GPR108: variants seen among roughly 807,000 people sequenced by gnomAD.
GPR108 encodes G protein-coupled receptor 108.
Under a neutral mutation model 74.3 loss-of-function variants are expected in GPR108, and 60 were observed. The observed-to-expected ratio is 0.81, with a 90% CI of 0.66 to 1.00. GPR108 has a LOEUF of 1.00. Among genes scored for constraint, GPR108 ranks in the 50% least tolerant of loss-of-function variants. The pLI is 0.00. For missense variants in GPR108, 667 were observed against 703.3 expected (o/e 0.95, Z 0.58); for synonymous variants, 311 against 292.4 (o/e 1.06, Z -0.65).
Position 6,732,469 on chromosome 19 carries a change from C to T in GPR108, c.1007+7G>A, listed in dbSNP as rs764240813. The T allele has an allele frequency of 1.9e-6, 3 of 1,613,580 alleles. No individual in the cohort carries two copies. The highest frequency in any genetic ancestry group is 4.5e-5 in the East Asian group (2 of 44,872). On this transcript the variant is annotated splice_region_variant and intron_variant, in intron 11 of 17. Transcript: ENST00000264080. ...CCCAGCTGCCCAGCAGAGTGGGGGA[C>T]ACTCACAGGTGTGCGATGTAGTACA...
At chr19:6,734,376 C>G in intron 4 of GPR108, 69 bp from the exon 5 acceptor site, 1 of 1,522,842 alleles carries the variant, frequency 6.6e-7, no homozygotes. Context: ...GCAAAGGACT[C>G]AGTGGCCCCT....
At position 6,737,571 on chromosome 19, in the gene GPR108, T is replaced by G. The variant is rs537539888; in HGVS notation, c.6A>C (p.Ala2=). Residue 2 remains alanine (A), a synonymous_variant, in exon 1 of 18, where the codon GCA becomes GCC. Transcript: ENST00000264080. ...GGCCGAGCCCCCTCCTCTCGCTCAC[T>G]GCCATCTCTGGAGCCACCTCCTCCC... M[A]VSERRGLGRG... 3.7e-5 allele frequency: 56 copies of G among 1,495,186 alleles called. No individual in the cohort carries two copies. Among genetic ancestry groups the G allele is most frequent in the Non-Finnish European group, 4.7e-5 (53 of 1,128,066 alleles). The allele number at this position is 1,495,186 out of a possible 1,614,324, so 92.6% of individuals were successfully genotyped here.
chr19:6,734,480 G>C (rs1353961869), intron 4 of GPR108, among the ~76,000 whole-genome samples, 173 bp from the exon 5 acceptor site: 3 of 152,216 alleles, frequency 2.0e-5, no homozygotes, highest in Non-Finnish European at 4.4e-5. Flanking sequence ...CAAGGAGGCT[G>C]CCGCCTTCCT....
rs753588178 is a variant in GPR108, at chr19:6,733,892, C to G, written c.571G>C (p.Asp191His). The stretch of plus-strand genomic sequence containing the variant: ...AGGTGGCTCAGGCCCAACACCAGGT[C>G]CTTGTCCTTCCCACTAGGACCCTGA... ...VIQGPSGKDK[D>H]LVLGLSHLNN... Residue 191 changes from aspartate (D) to histidine (H), a missense_variant, in exon 7 of 18, where the codon GAC becomes CAC. Asp to His is a moderately conservative substitution (Grantham distance 81). Coordinates refer to ENST00000264080, the MANE Select transcript of GPR108 (RefSeq NM_001080452.2). 1 of 1,614,160 alleles carries G rather than the reference C, an allele frequency of 6.2e-7. No individual in the cohort carries two copies. Among genetic ancestry groups the G allele is most frequent in the Admixed American group, 1.7e-5 (1 of 60,034 alleles).
In GPR108 at chr19:6,732,505, G is replaced by T. The variant is rs138508139; in HGVS notation, c.978C>A (p.Gly326=). The T allele has an allele frequency of 1.2e-5, 19 of 1,613,774 alleles. No homozygotes were observed. Among genetic ancestry groups the T allele is most frequent in the Middle Eastern group, 1.6e-4 (1 of 6,084 alleles). The change falls in exon 11 of 18, where the codon GGC becomes GGA. Residue 326 remains glycine, a synonymous_variant. Transcript: ENST00000264080. ...GTGCGATGTAGTACATGACGGCAAG[G>T]CCTTCGATGGGGTGGCCCTGGCTGT... is the stretch of plus-strand genomic sequence containing the variant. ...FINSQGHPIE[G]LAVMYYIAHL... is the part of the protein sequence containing the mutation.
In GPR108 at chr19:6,737,530, T is replaced by G. The variant is rs887953621; in HGVS notation, c.47A>C (p.Glu16Ala). The G allele has an allele frequency of 6.4e-7, 1 of 1,557,738 alleles. No homozygotes were observed. Among genetic ancestry groups the G allele is most frequent in the African/African-American group, 1.4e-5 (1 of 71,624 alleles). ...RRGLGRGSPA[E>A]WGQRLLLVLL... ...CACCAGAAGTAGCCGCTGCCCCCACTCCGCGGGGCTCCCGCGGCCGAGCCC... is the reference window on the plus strand; with the variant it reads ...CACCAGAAGTAGCCGCTGCCCCCACGCCGCGGGGCTCCCGCGGCCGAGCCC... Residue 16 changes from glutamate (E) to alanine (A), a missense_variant, in exon 1 of 18, where the codon GAG becomes GCG. Physicochemically the swap from Glu to Ala is moderately radical, Grantham distance 107 (BLOSUM62 -1). Coordinates refer to ENST00000264080, the MANE Select transcript of GPR108 (RefSeq NM_001080452.2).
rs1262721013 is a variant in GPR108 at position 6,734,847 on chromosome 19, A to ACATCAT, written c.375-541_375-540insATGATG. On this transcript the variant is annotated intron_variant, in intron 4 of 17. Coordinates refer to ENST00000264080, the MANE Select transcript of GPR108 (RefSeq NM_001080452.2). ...GGCATGAGCCACCATGGCCAGCCCT[A>ACATCAT]CATTATTATTATTATTATTATTATT... is the stretch of plus-strand genomic sequence containing the variant. Among the ~76,000 whole-genome samples, 22 of 136,364 alleles carry ACATCAT rather than the reference A, an allele frequency of 1.6e-4. 2 individuals carry two copies. Among genetic ancestry groups the ACATCAT allele is most frequent in the East Asian group, 1.2e-3 (6 of 4,862 alleles). 89.5% of individuals were successfully genotyped at this position (136,364 alleles called of 152,430 possible).
At chr19:6,736,065 A>G (rs1968622156) in intron 2 of GPR108, 107 bp from the exon 3 acceptor site, 1 of 956,582 alleles carries the variant, frequency 1.0e-6, no homozygotes, top group Non-Finnish European at 1.6e-6. Context: ...TGAACACCTA[A>G]CATGTGCTAG....
chr19:6,730,327 C>T lies in GPR108; in HGVS notation c.1617G>A (p.Gly539=), dbSNP rs773705685. 2 of 1,613,862 alleles carry T rather than the reference C, an allele frequency of 1.2e-6. No individual in the cohort carries two copies. The highest frequency in any genetic ancestry group is 2.2e-5 in the South Asian group (2 of 91,066). ...GTGGAGGTGATCATAACAGTTCCCG[C>T]CCGCTGGCTGTTTTGTTGACTTTGG... ...GLSKVNKTAS[G]RELL The change falls in exon 18 of 18, where the codon GGG becomes GGA. Residue 539 remains glycine, a synonymous_variant. Transcript: ENST00000264080.
chr19:6,732,999 G>T lies in GPR108; in HGVS notation c.921C>A (p.Leu307=). ...AALAFTKSIS[L]LFHSINYYFI... is the part of the protein sequence containing the mutation. ...CCAAGGCTCTCACGCTGTGGAAGAG[G>T]AGAGAGATGCTCTTGGTGAAGGCCA... The change falls in exon 10 of 18, where the codon CTC becomes CTA. Residue 307 remains leucine (L), a synonymous_variant. Transcript: ENST00000264080. The T allele has an allele frequency of 6.2e-7, 1 of 1,602,742 alleles. No homozygotes were observed. Among genetic ancestry groups the T allele is most frequent in the South Asian group, 1.1e-5 (1 of 89,702 alleles).
rs960872735 is a variant in GPR108, at chr19:6,737,184, C to T, written c.120+273G>A. On this transcript the variant is annotated intron_variant, in intron 1 of 17. Coordinates refer to ENST00000264080, the MANE Select transcript of GPR108 (RefSeq NM_001080452.2). ...ATTCCAAGAATTTAAAGGACTAAGACCCAGTTGGGGGGAAGGGGGGTGTAG... is the reference window on the plus strand; with the variant it reads ...ATTCCAAGAATTTAAAGGACTAAGATCCAGTTGGGGGGAAGGGGGGTGTAG... The T allele has an allele frequency of 8.1e-6, 4 of 493,226 alleles. No homozygotes were observed. The Middle Eastern group carries it at 1.6e-3, about 201-fold the overall frequency. 30.6% of individuals were successfully genotyped at this position (493,226 alleles called of 1,614,324 possible).
At chr19:6,736,762 C>T (rs767433562) in intron 1 of GPR108, 51 bp from the exon 2 acceptor site, 3 of 1,612,208 alleles carry the variant, frequency 1.9e-6, no homozygotes, top group South Asian at 1.1e-5. Flanking sequence ...TCCGCCTGCC[C>T]AGCCCCAGGG....
chr19:6,733,310 GGGGCAGT>G lies in GPR108; in HGVS notation c.724-16_724-10del. 6.2e-7 allele frequency: 1 copy of G among 1,611,752 alleles called. No homozygotes were observed. Among genetic ancestry groups the G allele is most frequent in the Non-Finnish European group, 8.5e-7 (1 of 1,178,490 alleles). On this transcript the variant is annotated splice_polypyrimidine_tract_variant and intron_variant, in intron 8 of 17. Transcript: ENST00000264080. ...TTCTCCCGGATCATCACCTGCGGAG[GGGGCAGT>G]GGTGGGCGGCGGCAGGGGCACAGCC...
chr19:6,736,561 C>G (rs1968641945), intron 2 of GPR108, 31 bp downstream of exon 2: 1 of 1,602,554 alleles, frequency 6.2e-7, no homozygotes, highest in Non-Finnish European at 8.5e-7. Context: ...GCACCGTGCT[C>G]TCCTCCAGCA....
chr19:6,735,427 T>C (rs1396230864), intron 4 of GPR108, 195 bp downstream of exon 4: 5 of 579,188 alleles, frequency 8.6e-6, no homozygotes, highest in African/African-American at 7.5e-5. Context: ...CCGGGTCTTC[T>C]GCCCTGAGAC....
At chr19:6,735,775 C>G in intron 3 of GPR108, 71 bp from the exon 4 acceptor site, 1 of 1,554,678 alleles carries the variant, frequency 6.4e-7, no homozygotes, top group Non-Finnish European at 8.8e-7. Context: ...TGTCTCCCTC[C>G]CTGTCCACCC....
intron 2 of GPR108, 97 bp downstream of exon 2, chr19:6,736,495 A>C: frequency 8.2e-7 from 1 of 1,221,756 alleles, no homozygotes; most frequent in Non-Finnish European, 1.2e-6. Context: ...AGATGACGGG[A>C]CTTGTACAAG....
intron 1 of GPR108, 71 bp from the exon 2 acceptor site, chr19:6,736,782 G>A (rs750911820): frequency 5.0e-6 from 8 of 1,605,848 alleles, no homozygotes; most frequent in Middle Eastern, 1.7e-4. Context: ...GGTCTGGCAC[G>A]AGGACCTCCA....
chr19:6,736,343 C>A (rs1807006750), intron 2 of GPR108, among the ~76,000 whole-genome samples: 1 of 152,208 alleles, frequency 6.6e-6, no homozygotes, highest in African/African-American at 2.4e-5. Flanking sequence ...GCAATCCTCC[C>A]ACCTTGGCCT....
Sources: gnomAD v4.1 joint callset for allele counts (sites outside exome capture counted in the v4.1 genomes callset) on GRCh38, gnomAD v4.1.1 for gene constraint, MANE v1.5 for transcripts, NCBI Gene and HGNC (gene_info 2026-07-23, HGNC 2026-07-21) for gene names.